The following CNTN5 variants were observed in gnomAD, a reference collection of about 807,000 sequenced individuals.
The protein encoded by CNTN5 is contactin-5.
In CNTN5, 77 loss-of-function variants were observed where a neutral mutation model predicts 129.1. The ratio of observed to expected loss-of-function variants is 0.60; its 90% confidence interval spans 0.50 to 0.72. The LOEUF is 0.72. CNTN5 is among the 30% of genes least tolerant of loss of function. The probability of loss-of-function intolerance (pLI) is 0.00; values close to 1 mark genes in which losing one functional copy is unlikely to be tolerated. For missense variants in CNTN5, 1,478 were observed against 1,328.8 expected, an observed-to-expected ratio of 1.11 and a Z score of -1.75; for synonymous variants, 509 against 465.6, an observed-to-expected ratio of 1.09 and a Z score of -1.20.
chr11:99,230,279 G>T (rs778865743), intron 1 of CNTN5, among the ~76,000 whole-genome samples: 1 of 151,988 alleles, frequency 6.6e-6, no homozygotes, highest in South Asian at 2.1e-4. Context: ...CAAAAATGAC[G>T]AAAGCATTTT....
At chr11:99,638,631 C>T (rs586877) in intron 3 of CNTN5, among the ~76,000 whole-genome samples, 91,018 of 151,602 alleles carry the variant, frequency 0.6, 28,112 homozygotes, top group Admixed American at 0.69. Context: ...CGGGAGAAAT[C>T]GGCTAAAACA....
At chr11:99,365,562 A>C (rs1369648627) in intron 2 of CNTN5, among the ~76,000 whole-genome samples, 1 of 152,154 alleles carries the variant, frequency 6.6e-6, no homozygotes, top group African/African-American at 2.4e-5. Context: ...ATTTCATTTC[A>C]TTTCATTTCA....
chr11:99,223,482 A>G (rs1167357039), intron 1 of CNTN5, among the ~76,000 whole-genome samples: 5 of 152,120 alleles, frequency 3.3e-5, no homozygotes, highest in African/African-American at 4.8e-5. Context: ...TCTTTTTCCT[A>G]AAGTCAGTAG....
intron 2 of CNTN5, among the ~76,000 whole-genome samples, chr11:99,477,214 GATTATT>G (rs1477930388): frequency 6.6e-6 from 1 of 151,836 alleles, no homozygotes; most frequent in Non-Finnish European, 1.5e-5. Flanking sequence ...TTTAGGAAAA[GATTATT>G]AATATTACAC....
intron 1 of CNTN5, among the ~76,000 whole-genome samples, chr11:99,286,106 T>G (rs1863931544): frequency 6.6e-6 from 1 of 152,018 alleles, no homozygotes; most frequent in African/African-American, 2.4e-5. Context: ...CCATTTACTT[T>G]CAATATTATT....
intron 6 of CNTN5, among the ~76,000 whole-genome samples, chr11:99,854,963 A>T (rs1482856062): frequency 6.6e-6 from 1 of 152,162 alleles, no homozygotes; most frequent in Non-Finnish European, 1.5e-5. Flanking sequence ...AATACAAATG[A>T]TGTTCAAAGT....
At chr11:99,033,829 G>A (rs12287421) in intron 1 of CNTN5, among the ~76,000 whole-genome samples, 34,471 of 151,368 alleles carry the variant, frequency 0.23, 4,070 homozygotes, top group East Asian at 0.33. Context: ...GTGAGAGAGG[G>A]CATCCCTGTC....
intron 3 of CNTN5, among the ~76,000 whole-genome samples, chr11:99,659,096 C>T (rs1952501328): frequency 6.6e-6 from 1 of 151,792 alleles, no homozygotes; most frequent in South Asian, 2.1e-4. Flanking sequence ...TACTCATGGG[C>T]TTTGGAGGGT....
chr11:99,801,091 A>C (rs1426401995), intron 3 of CNTN5, among the ~76,000 whole-genome samples: 1 of 152,116 alleles, frequency 6.6e-6, no homozygotes, highest in East Asian at 1.9e-4. Flanking sequence ...TTTCCGTGTT[A>C]TTACTACCGT....
At chr11:100,203,827 C>CACACACAT (rs1302696262) in intron 15 of CNTN5, among the ~76,000 whole-genome samples, 1 of 151,566 alleles carries the variant, frequency 6.6e-6, no homozygotes, top group African/African-American at 2.4e-5. Context: ...CACACACACA[C>CACACACAT]ACACTGCCCC....
At chr11:100,317,255 G>A (rs1951589367) in intron 21 of CNTN5, among the ~76,000 whole-genome samples, 1 of 152,182 alleles carries the variant, frequency 6.6e-6, no homozygotes, top group African/African-American at 2.4e-5. Flanking sequence ...AATAACTCAT[G>A]CTGGGCAGAT....
intron 3 of CNTN5, among the ~76,000 whole-genome samples, chr11:99,594,078 A>G (rs1319595167): frequency 3.9e-5 from 6 of 152,040 alleles, no homozygotes; most frequent in Non-Finnish European, 7.4e-5. Context: ...TATAGGCCTG[A>G]TTGTTGTTCT....
At chr11:99,738,616 C>A (rs6144474) in intron 3 of CNTN5, among the ~76,000 whole-genome samples, 3,202 of 143,212 alleles carry the variant, frequency 0.022, 72 homozygotes, top group African/African-American at 0.055. Flanking sequence ...AAGACAGTAA[C>A]GTGTGTGTGT....
At chr11:99,572,425 G>T (rs939948486) in intron 3 of CNTN5, among the ~76,000 whole-genome samples, 1 of 152,136 alleles carries the variant, frequency 6.6e-6, no homozygotes, top group Non-Finnish European at 1.5e-5. Flanking sequence ...AGAACAAACC[G>T]GTAGAAGCTA....
At chr11:99,684,517 T>G (rs2134737701) in intron 3 of CNTN5, among the ~76,000 whole-genome samples, 1 of 152,048 alleles carries the variant, frequency 6.6e-6, no homozygotes, top group East Asian at 1.9e-4. Context: ...GCCATTATAA[T>G]ATTGCATAAA....
intron 16 of CNTN5, among the ~76,000 whole-genome samples, chr11:100,226,363 A>G (rs2138634154): frequency 6.6e-6 from 1 of 152,274 alleles, no homozygotes; most frequent in African/African-American, 2.4e-5. Flanking sequence ...TTAGAGACTG[A>G]TAAGAAACCA....
rs563868973 is a variant in CNTN5, at chr11:99,210,687, C to T, written c.-209-114659C>T. Among the ~76,000 whole-genome samples the T allele has an allele frequency of 4.7e-4, 71 of 151,872 alleles. No homozygotes were observed. In the South Asian group the frequency reaches 0.015, roughly 32 times the overall value. The stretch of plus-strand genomic sequence containing the variant: ...ACGTAATTTTTGTTTAAATCAAATC[C>T]AGTGTATAAATTATTATGGCTATGT... On this transcript the variant is annotated intron_variant, in intron 1 of 24. Coordinates refer to ENST00000524871, the MANE Select transcript of CNTN5 (RefSeq NM_014361.4).
intron 3 of CNTN5, among the ~76,000 whole-genome samples, chr11:99,637,043 T>TAAAAAAAAAAAAAAAAAAA (rs763109822): frequency 3.6e-3 from 349 of 95,740 alleles, no homozygotes; most frequent in Middle Eastern, 0.011. Context: ...AAAAAAAAAG[T>TAAAAAAAAAAAAAAAAAAA]AAATGACTCT....
chr11:100,097,001 T>C (rs1397759386), intron 13 of CNTN5, among the ~76,000 whole-genome samples: 1 of 152,098 alleles, frequency 6.6e-6, no homozygotes, highest in East Asian at 1.9e-4. Context: ...GCTCTTCTCT[T>C]CATTTGTTTC....
Sources: gnomAD v4.1 joint callset for allele counts (sites outside exome capture counted in the v4.1 genomes callset) on GRCh38, gnomAD v4.1.1 for gene constraint, MANE v1.5 for transcripts, NCBI Gene and HGNC (gene_info 2026-07-23, HGNC 2026-07-21) for gene names.